The following THSD7B variants were observed in gnomAD, a reference collection of about 807,000 sequenced individuals.
THSD7B encodes thrombospondin type-1 domain-containing protein 7B.
THSD7B carries 138 observed loss-of-function variants against 213.6 expected under a neutral mutation model. The observed-to-expected ratio is 0.65, with a 90% confidence interval of 0.56 to 0.74. The LOEUF is 0.74. Ranked by LOEUF, THSD7B falls within the 30% of genes least tolerant of loss-of-function variation. The probability of loss-of-function intolerance (pLI) is 0.00; values close to 1 mark genes in which losing one functional copy is unlikely to be tolerated. For synonymous variants in THSD7B, 742 were observed against 687.0 expected (o/e 1.08, Z -1.25); for missense variants, 1,931 against 1,991.5 (o/e 0.97, Z 0.58).
intron 12 of THSD7B, among the ~76,000 whole-genome samples, chr2:137,306,719 C>G (rs914159616): frequency 1.3e-5 from 2 of 151,872 alleles, no homozygotes; most frequent in African/African-American, 4.8e-5. Context: ...CCTTTTATAT[C>G]TTGAGTTTTC....
At chr2:137,098,371 C>T (rs1688078654) in intron 4 of THSD7B, among the ~76,000 whole-genome samples, 2 of 152,136 alleles carry the variant, frequency 1.3e-5, no homozygotes, top group African/African-American at 2.4e-5. Flanking sequence ...CCTCAGAGAA[C>T]ACAACAGACA....
At chr2:136,869,077 A>G (rs1279630249) in intron 1 of THSD7B, among the ~76,000 whole-genome samples, 1 of 152,136 alleles carries the variant, frequency 6.6e-6, no homozygotes, top group Non-Finnish European at 1.5e-5. Flanking sequence ...AAATGATTTA[A>G]CTTCCTTTTT....
intron 2 of THSD7B, among the ~76,000 whole-genome samples, chr2:136,904,170 C>G (rs1015895122): frequency 3.9e-5 from 6 of 151,992 alleles, no homozygotes; most frequent in Non-Finnish European, 7.4e-5. Context: ...ATTAGGCAAC[C>G]CCAGCAAATG....
chr2:136,800,584 A>G (rs923016380), intron 1 of THSD7B, among the ~76,000 whole-genome samples: 1 of 152,054 alleles, frequency 6.6e-6, no homozygotes, highest in Non-Finnish European at 1.5e-5. Context: ...AAACTGTTTA[A>G]TGTATTGTTC....
chr2:136,803,535 T>G (rs531783224), intron 1 of THSD7B, among the ~76,000 whole-genome samples: 1 of 152,226 alleles, frequency 6.6e-6, no homozygotes, highest in East Asian at 1.9e-4. Flanking sequence ...GCAGAGAAAA[T>G]TTTTACCTGG....
intron 10 of THSD7B, among the ~76,000 whole-genome samples, chr2:137,271,454 T>C (rs1226898058): frequency 7.2e-6 from 1 of 138,632 alleles, no homozygotes; most frequent in Admixed American, 7.2e-5. Context: ...ATATATAATA[T>C]AATATATAAT....
rs114729642 is a variant in THSD7B at position 137,154,873 on chromosome 2, A to G, written c.1370-5340A>G. Among the ~76,000 whole-genome samples the G allele has an allele frequency of 2.2e-3, 335 of 152,270 alleles. 4 individuals carry two copies. Among genetic ancestry groups the G allele is most frequent in the African/African-American group, 7.6e-3 (315 of 41,572 alleles). ...TTAAGAACAGTTTTTTTTCCTTAAC[A>G]TTAAACATATCCCCTACCCAGCATA... On this transcript the variant is annotated intron_variant, in intron 5 of 27. Transcript: ENST00000409968.
At chr2:137,553,132 G>C (rs181835950) in intron 15 of THSD7B, among the ~76,000 whole-genome samples, 1 of 152,208 alleles carries the variant, frequency 6.6e-6, no homozygotes, top group East Asian at 1.9e-4. Context: ...AGGATCTCTG[G>C]TCCCAGATGG....
At chr2:137,607,095 TATG>T (rs995572801) in intron 17 of THSD7B, among the ~76,000 whole-genome samples, 1 of 151,232 alleles carries the variant, frequency 6.6e-6, no homozygotes, top group Non-Finnish European at 1.5e-5. Flanking sequence ...GGGCAAAAGC[TATG>T]ATATCATTAA....
chr2:137,603,031 C>T (rs1424017256), intron 17 of THSD7B, among the ~76,000 whole-genome samples: 1 of 152,144 alleles, frequency 6.6e-6, no homozygotes, highest in Non-Finnish European at 1.5e-5. Flanking sequence ...GATTGAGTTG[C>T]TCCAGGCTTA....
chr2:137,473,096 T>G (rs982461090), intron 15 of THSD7B, among the ~76,000 whole-genome samples: 1 of 151,422 alleles, frequency 6.6e-6, no homozygotes, highest in East Asian at 1.9e-4. Context: ...ATTAATTGTT[T>G]TTTTTTTTTT....
chr2:137,275,358 A>G (rs1682845446), intron 11 of THSD7B, among the ~76,000 whole-genome samples: 2 of 152,056 alleles, frequency 1.3e-5, no homozygotes, highest in Admixed American at 6.6e-5. Flanking sequence ...GTCCTTGGAA[A>G]CACCTTATAA....
chr2:137,061,137 T>C (rs1194353942), intron 3 of THSD7B, among the ~76,000 whole-genome samples: 2 of 151,922 alleles, frequency 1.3e-5, no homozygotes, highest in Non-Finnish European at 2.9e-5. Flanking sequence ...AATTTCATAT[T>C]GCAATTGTGC....
At chr2:136,884,184 G>A (rs1683675426) in intron 2 of THSD7B, among the ~76,000 whole-genome samples, 1 of 152,174 alleles carries the variant, frequency 6.6e-6, no homozygotes, top group Admixed American at 6.5e-5. Flanking sequence ...AACAGCACAT[G>A]CGAAGTCGGC....
chr2:137,504,037 GAA>G (rs544461114), intron 15 of THSD7B, among the ~76,000 whole-genome samples: 3 of 124,240 alleles, frequency 2.4e-5, no homozygotes, highest in African/African-American at 8.7e-5. Context: ...AAAAAAAAAA[GAA>G]AAAAAAAAAA....
intron 12 of THSD7B, among the ~76,000 whole-genome samples, chr2:137,283,478 G>A (rs1036754352): frequency 6.6e-6 from 1 of 152,150 alleles, no homozygotes; most frequent in African/African-American, 2.4e-5. Flanking sequence ...TCTTGTGCCA[G>A]TTTTCAAAGG....
chr2:137,580,374 A>G (rs1681548817), intron 17 of THSD7B, among the ~76,000 whole-genome samples: 1 of 152,140 alleles, frequency 6.6e-6, no homozygotes, highest in Non-Finnish European at 1.5e-5. Context: ...TGGGTGTTAT[A>G]TTGGTATTAC....
At chr2:137,641,363 A>C (rs563815365) in intron 20 of THSD7B, among the ~76,000 whole-genome samples, 1 of 152,314 alleles carries the variant, frequency 6.6e-6, no homozygotes, top group African/African-American at 2.4e-5. Flanking sequence ...TTCTGCTTAA[A>C]GTTCCACTGC....
At chr2:136,792,654 T>G (rs1168343536) in intron 1 of THSD7B, among the ~76,000 whole-genome samples, 2 of 151,940 alleles carry the variant, frequency 1.3e-5, no homozygotes, top group Admixed American at 1.3e-4. Context: ...ACTGTGAACC[T>G]AAAACTGCTC....
Sources: allele counts gnomAD v4.1 joint callset (sites outside exome capture counted in the v4.1 genomes callset), GRCh38; gene constraint gnomAD v4.1.1; transcripts MANE v1.5; gene names NCBI Gene and HGNC (gene_info 2026-07-23, HGNC 2026-07-21).